PCDHGA3: variants seen among roughly 807,000 people sequenced by gnomAD.
PCDHGA3 encodes the protein protocadherin gamma-A3.
Under a neutral mutation model 58.5 loss-of-function variants are expected in PCDHGA3, and 40 were observed. The observed-to-expected ratio is 0.68, with a 90% CI of 0.53 to 0.89. PCDHGA3 has a LOEUF of 0.89. Among genes scored for constraint, PCDHGA3 ranks in the 40% least tolerant of loss-of-function variants. The probability of loss-of-function intolerance (pLI) is 0.00; values close to 1 mark genes in which losing one functional copy is unlikely to be tolerated. For synonymous variants in PCDHGA3, 530 were observed against 525.7 expected (o/e 1.01, Z -0.11); for missense variants, 1,223 against 1,195.9 (o/e 1.02, Z -0.33).
intron 1 of PCDHGA3, chr5:141,374,117 G>T: frequency 1.9e-6 from 3 of 1,587,564 alleles, no homozygotes; most frequent in South Asian, 1.1e-5. Context: ...GCAGCGCAGC[G>T]AGCAGGTCCT....
chr5:141,361,737 C>G, intron 1 of PCDHGA3: 1 of 1,613,162 alleles, frequency 6.2e-7, no homozygotes, highest in Non-Finnish European at 8.5e-7. Flanking sequence ...CACTGCAGGC[C>G]CGCGACCAGG....
rs76825883 is a variant in PCDHGA3, at chr5:141,433,317, C to T, written c.2425-61490C>T. The T allele has an allele frequency of 1.4e-3, 1,163 of 830,944 alleles. 6 individuals are homozygous for T. In the African/African-American group the frequency reaches 0.015, roughly 11 times the overall value. 51.5% of individuals were successfully genotyped at this position (830,944 alleles called of 1,614,324 possible). A position where few individuals can be genotyped will look rare whatever the true frequency, so the allele number is the denominator to read the frequency against. On this transcript the variant is annotated intron_variant, in intron 1 of 3. Transcript: ENST00000253812. ...CAAGCAATTATCCCACCTTTGCCTC[C>T]GGTGTAACAGGGACTACAGGTGCAA... is the stretch of plus-strand genomic sequence containing the variant.
At chr5:141,388,324 A>T in intron 1 of PCDHGA3, 1 of 1,613,978 alleles carries the variant, frequency 6.2e-7, no homozygotes, top group East Asian at 2.2e-5. Flanking sequence ...GAGTCTGCAC[A>T]GCCTGGCACA....
chr5:141,457,410 C>G (rs746966828), intron 1 of PCDHGA3, among the ~76,000 whole-genome samples: 1 of 152,182 alleles, frequency 6.6e-6, no homozygotes, highest in Non-Finnish European at 1.5e-5. Context: ...TTTCACATTA[C>G]CCATCCCTTT....
intron 1 of PCDHGA3, among the ~76,000 whole-genome samples, chr5:141,401,057 A>G (rs1021828194): frequency 1.3e-5 from 2 of 152,170 alleles, no homozygotes; most frequent in Non-Finnish European, 2.9e-5. Flanking sequence ...AAAATACTAT[A>G]TGTTGGCTGG....
At chr5:141,509,143 C>T (rs1022878562) in intron 3 of PCDHGA3, among the ~76,000 whole-genome samples, 9 of 152,138 alleles carry the variant, frequency 5.9e-5, no homozygotes, top group Non-Finnish European at 1.0e-4. Flanking sequence ...AGGCGCATCC[C>T]GGCTCTCCCC....
rs557973676 is a variant in PCDHGA3, at chr5:141,429,315, T to C, written c.2425-65492T>C. 9.2e-5 allele frequency among the ~76,000 whole-genome samples: 14 copies of C among 152,298 alleles called. No individual in the cohort carries two copies. In the South Asian group the frequency reaches 2.9e-3, roughly 32 times the overall value. ...ACATCAATATTTGAGTATATAAGGC[T>C]TTTTCTTTAATCCATTAACTATAAA... On this transcript the variant is annotated intron_variant, in intron 1 of 3. Transcript: ENST00000253812.
At chr5:141,494,305 C>T (rs544773836) in intron 1 of PCDHGA3, among the ~76,000 whole-genome samples, 1 of 152,346 alleles carries the variant, frequency 6.6e-6, no homozygotes, top group East Asian at 1.9e-4. Context: ...GAATGTGTCA[C>T]TGCACAACCT....
chr5:141,360,783 T>A (rs1453026686), intron 1 of PCDHGA3: 1 of 1,613,928 alleles, frequency 6.2e-7, no homozygotes, highest in East Asian at 2.2e-5. Flanking sequence ...CAGCTGTGGA[T>A]GGCGGAGACC....
At chr5:141,367,450 T>C (rs1038206449) in intron 1 of PCDHGA3, 8 of 152,070 alleles carry the variant, frequency 5.3e-5, no homozygotes, top group African/African-American at 1.4e-4. Flanking sequence ...GGCAGGAGAA[T>C]GGGGTGAACC....
chr5:141,375,962 C>T (rs763635174), intron 1 of PCDHGA3: 3 of 1,613,226 alleles, frequency 1.9e-6, no homozygotes, highest in African/African-American at 2.7e-5. Flanking sequence ...GGGCGAGGTG[C>T]GCACGGCGCG....
At chr5:141,459,846 A>G (rs945742948) in intron 1 of PCDHGA3, among the ~76,000 whole-genome samples, 1 of 152,170 alleles carries the variant, frequency 6.6e-6, no homozygotes, top group Admixed American at 6.5e-5. Context: ...CTATTTGTAT[A>G]TCTTCTTGAA....
At chr5:141,416,589 TTA>T (rs1386515449) in intron 1 of PCDHGA3, 2 of 151,996 alleles carry the variant, frequency 1.3e-5, no homozygotes, top group African/African-American at 4.8e-5. Context: ...CAAAATAAAC[TTA>T]GAGTCAAGAA....
At chr5:141,365,764 CCCCG>C (rs1764103284) in intron 1 of PCDHGA3, 3 of 1,613,772 alleles carry the variant, frequency 1.9e-6, no homozygotes, top group Middle Eastern at 3.3e-4. Context: ...CAGCCCATGA[CCCCG>C]ACAGCGGCGA....
chr5:141,387,727 C>T, intron 1 of PCDHGA3: 3 of 1,216,044 alleles, frequency 2.5e-6, no homozygotes, highest in South Asian at 3.2e-5. Context: ...CTCCCCAGCG[C>T]CAGCCTTTAC....
chr5:141,450,592 T>G (rs1403924348), intron 1 of PCDHGA3, among the ~76,000 whole-genome samples: 1 of 151,838 alleles, frequency 6.6e-6, no homozygotes, highest in Non-Finnish European at 1.5e-5. Context: ...GTTCAAGCAA[T>G]TCTCCTGCCT....
chr5:141,345,112 G>A lies in PCDHGA3; in HGVS notation c.1079G>A (p.Gly360Asp), dbSNP rs1264127717. The change falls in exon 1 of 4, where the codon GGC becomes GAC. Residue 360 changes from glycine (G) to aspartate (D), a missense_variant. Gly to Asp is a moderately conservative substitution (Grantham distance 94). Transcript: ENST00000253812. The stretch of plus-strand genomic sequence containing the variant: ...CTCACAAGCTCAGTCCCAGAAGAGG[G>A]CACCGTTGGAAGAGAAATTGCTCTT... ...TSLTSSVPEEGTVGREIALID... is the reference protein window; with the variant it reads ...TSLTSSVPEEDTVGREIALID... 2 of 1,613,964 alleles carry A rather than the reference G, an allele frequency of 1.2e-6. No homozygotes were observed. Among genetic ancestry groups the A allele is most frequent in the Non-Finnish European group, 1.7e-6 (2 of 1,179,884 alleles).
chr5:141,435,922 G>A (rs1312886163), intron 1 of PCDHGA3, among the ~76,000 whole-genome samples: 1 of 152,070 alleles, frequency 6.6e-6, no homozygotes, highest in Non-Finnish European at 1.5e-5. Context: ...TCTAAAATGC[G>A]GCAGTTGCTG....
At chr5:141,393,183 A>T in intron 1 of PCDHGA3, 1 of 1,613,370 alleles carries the variant, frequency 6.2e-7, no homozygotes, top group Non-Finnish European at 8.5e-7. Context: ...AATAGAAATA[A>T]TTGATATTAA....
Sources: gnomAD v4.1 joint callset for allele counts (sites outside exome capture counted in the v4.1 genomes callset) on GRCh38, gnomAD v4.1.1 for gene constraint, MANE v1.5 for transcripts, NCBI Gene and HGNC (gene_info 2026-07-23, HGNC 2026-07-21) for gene names.